Variants in GALNTL6 observed in about 807,000 individuals in gnomAD.
The protein encoded by GALNTL6 is polypeptide N-acetylgalactosaminyltransferase like 6, also known as polypeptide N-acetylgalactosaminyltransferase-like 6.
GALNTL6 carries 46 observed loss-of-function variants against 73.7 expected under a neutral mutation model. That is an observed-to-expected ratio of 0.62 (90% CI 0.49 to 0.80). The LOEUF (loss-of-function observed/expected upper bound fraction) is 0.80. Ranked by LOEUF, GALNTL6 falls within the 30% of genes least tolerant of loss-of-function variation. The pLI is 0.00. For missense variants in GALNTL6, 604 were observed against 755.0 expected (o/e 0.80, Z 2.34); for synonymous variants, 259 against 263.7 (o/e 0.98, Z 0.17).
intron 5 of GALNTL6, among the ~76,000 whole-genome samples, chr4:172,431,233 A>C (rs1352982599): frequency 3.9e-5 from 6 of 152,178 alleles, no homozygotes; most frequent in African/African-American, 7.2e-5. Context: ...TAATTATACC[A>C]ATAACTAATG....
intron 10 of GALNTL6, among the ~76,000 whole-genome samples, chr4:172,955,590 A>G (rs560961217): frequency 1.7e-4 from 26 of 152,350 alleles, no homozygotes; most frequent in African/African-American, 6.3e-4. Context: ...AGGATTTCTT[A>G]AAATAAGCTT....
intron 5 of GALNTL6, among the ~76,000 whole-genome samples, chr4:172,368,254 G>A (rs1742642295): frequency 6.6e-6 from 1 of 152,032 alleles, no homozygotes; most frequent in African/African-American, 2.4e-5. Flanking sequence ...GGTGGTGTGT[G>A]CCTGTAATCC....
At chr4:172,750,136 G>C (rs904487390) in intron 5 of GALNTL6, among the ~76,000 whole-genome samples, 1 of 152,128 alleles carries the variant, frequency 6.6e-6, no homozygotes, top group African/African-American at 2.4e-5. Flanking sequence ...TTCTGGTACA[G>C]TATGACATTA....
At chr4:173,027,707 A>G (rs1241662682) in intron 12 of GALNTL6, among the ~76,000 whole-genome samples, 1 of 152,232 alleles carries the variant, frequency 6.6e-6, no homozygotes, top group African/African-American at 2.4e-5. Context: ...CAGTGTAATC[A>G]GGCAAGATAT....
At position 171,853,599 on chromosome 4, in the gene GALNTL6, C is replaced by CTTTT. The variant is rs35078885; in HGVS notation, c.138+38907_138+38910dup. 1.6e-3 allele frequency among the ~76,000 whole-genome samples: 58 copies of CTTTT among 35,358 alleles called. 21 individuals carry two copies. Among genetic ancestry groups the CTTTT allele is most frequent in the South Asian group, 2.0e-3 (2 of 984 alleles). 23.2% of individuals were successfully genotyped at this position (35,358 alleles called of 152,430 possible). A position where few individuals can be genotyped will look rare whatever the true frequency, so the allele number is the denominator to read the frequency against. On this transcript the variant is annotated intron_variant, in intron 2 of 12. Coordinates refer to ENST00000506823, the MANE Select transcript of GALNTL6 (RefSeq NM_001034845.3). ...TTTTTCTCTCTTTTGTTTAGCCACTCTTTTTTTTTTTTTTTTTTTTTTTTT... is the reference window on the plus strand; with the variant it reads ...TTTTTCTCTCTTTTGTTTAGCCACTCTTTTTTTTTTTTTTTTTTTTTTTTTTTTT...
intron 3 of GALNTL6, among the ~76,000 whole-genome samples, chr4:172,245,655 T>C (rs978035710): frequency 6.6e-6 from 1 of 152,198 alleles, no homozygotes; most frequent in Non-Finnish European, 1.5e-5. Flanking sequence ...CATAACTTTA[T>C]AGAGATCCAA....
In GALNTL6 at chr4:172,621,441, ATT is replaced by A. The variant is rs1331719209; in HGVS notation, c.554-187919_554-187918del. On this transcript the variant is annotated intron_variant, in intron 5 of 12. Coordinates refer to ENST00000506823, the MANE Select transcript of GALNTL6 (RefSeq NM_001034845.3). Reference sequence around the variant, plus strand: ...TGCAGGTTAGTTCTTGTCTTTCACAATTGCTAGTTGGGGAATTACTTTCCAGG... The same window carrying A: ...TGCAGGTTAGTTCTTGTCTTTCACAAGCTAGTTGGGGAATTACTTTCCAGG... Among the ~76,000 whole-genome samples, 14 of 152,156 alleles carry A rather than the reference ATT, an allele frequency of 9.2e-5. 1 individual carries two copies. In the East Asian group the frequency reaches 2.1e-3, roughly 23 times the overall value.
At chr4:172,485,205 T>A (rs1733624774) in intron 5 of GALNTL6, among the ~76,000 whole-genome samples, 1 of 152,108 alleles carries the variant, frequency 6.6e-6, no homozygotes, top group Non-Finnish European at 1.5e-5. Context: ...CTACCCCATT[T>A]TTTTTCAGGT....
chr4:172,542,970 G>A (rs1343933004), intron 5 of GALNTL6, among the ~76,000 whole-genome samples: 1 of 152,036 alleles, frequency 6.6e-6, no homozygotes, highest in African/African-American at 2.4e-5. Context: ...GGTGGCACGT[G>A]CCTGTAATCT....
intron 7 of GALNTL6, among the ~76,000 whole-genome samples, chr4:172,862,438 A>T (rs1560999201): frequency 6.6e-6 from 1 of 152,156 alleles, no homozygotes; most frequent in Non-Finnish European, 1.5e-5. Context: ...TGACAATGGG[A>T]TAGAAAAGAA....
chr4:172,922,219 G>A (rs982389569), intron 8 of GALNTL6, among the ~76,000 whole-genome samples: 1 of 152,140 alleles, frequency 6.6e-6, no homozygotes, highest in Admixed American at 6.5e-5. Context: ...ATGTGGAACT[G>A]TAAATCCAAT....
chr4:172,662,440 C>T (rs1449007220), intron 5 of GALNTL6, among the ~76,000 whole-genome samples: 1 of 152,146 alleles, frequency 6.6e-6, no homozygotes, highest in African/African-American at 2.4e-5. Context: ...ATTTTTAAGA[C>T]TCATTATAGT....
At chr4:172,596,317 C>T (rs536944264) in intron 5 of GALNTL6, among the ~76,000 whole-genome samples, 2 of 151,814 alleles carry the variant, frequency 1.3e-5, no homozygotes, top group Non-Finnish European at 1.5e-5. Flanking sequence ...GTTAGCTAGG[C>T]GTGGTGGCCT....
At chr4:171,893,981 C>T (rs932845914) in intron 2 of GALNTL6, among the ~76,000 whole-genome samples, 3 of 139,296 alleles carry the variant, frequency 2.2e-5, no homozygotes, top group African/African-American at 8.1e-5. Context: ...AGCCAAAGAG[C>T]TTGGGGTTGA....
intron 12 of GALNTL6, among the ~76,000 whole-genome samples, chr4:173,031,015 A>G (rs539744551): frequency 6.9e-4 from 37 of 53,684 alleles, no homozygotes; most frequent in Middle Eastern, 8.9e-3. Flanking sequence ...AGAAAAGAAA[A>G]GAGAGAGAGA....
chr4:172,852,502 C>T (rs1229612498), intron 7 of GALNTL6, among the ~76,000 whole-genome samples: 1 of 152,106 alleles, frequency 6.6e-6, no homozygotes, highest in East Asian at 1.9e-4. Context: ...CAGCCACCTT[C>T]CAGCAATAAC....
intron 2 of GALNTL6, among the ~76,000 whole-genome samples, chr4:172,207,850 T>A (rs1736192457): frequency 6.6e-6 from 1 of 152,130 alleles, no homozygotes; most frequent in African/African-American, 2.4e-5. Flanking sequence ...ACACATCAAG[T>A]TTGTTATGAT....
chr4:172,968,335 C>T (rs995141400), intron 10 of GALNTL6, among the ~76,000 whole-genome samples: 25 of 152,156 alleles, frequency 1.6e-4, no homozygotes, highest in Admixed American at 1.3e-3. Context: ...ATCAAATCTG[C>T]ACCTTACCAG....
At chr4:172,966,394 T>C (rs1750325619) in intron 10 of GALNTL6, among the ~76,000 whole-genome samples, 1 of 149,378 alleles carries the variant, frequency 6.7e-6, no homozygotes, top group African/African-American at 2.5e-5. Context: ...AAACAGGGAG[T>C]CGATCTTTTT....
Sources: allele counts gnomAD v4.1 joint callset (sites outside exome capture counted in the v4.1 genomes callset), GRCh38; gene constraint gnomAD v4.1.1; transcripts MANE v1.5; gene names NCBI Gene and HGNC (gene_info 2026-07-23, HGNC 2026-07-21).